Variants in RIC1 observed in about 807,000 individuals in gnomAD.
The protein encoded by RIC1 is RIC1 partner of RAB6A GEF complex, also known as guanine nucleotide exchange factor subunit RIC1.
RIC1 carries 88 observed loss-of-function variants against 169.0 expected under a neutral mutation model. The observed-to-expected ratio is 0.52, with a 90% CI of 0.44 to 0.62. RIC1 has a LOEUF of 0.62. Ranked by LOEUF, RIC1 falls within the 20% of genes least tolerant of loss-of-function variation. The pLI is 0.00. For synonymous variants in RIC1, 790 were observed against 601.5 expected, an observed-to-expected ratio of 1.31 and a Z score of -4.59; for missense variants, 1,877 against 1,725.5, an observed-to-expected ratio of 1.09 and a Z score of -1.56.
chr9:5,700,911 AATAAGT>A (rs1052903250), intron 3 of RIC1, among the ~76,000 whole-genome samples: 1 of 152,108 alleles, frequency 6.6e-6, no homozygotes, highest in African/African-American at 2.4e-5. Flanking sequence ...TTTTTTTTCA[AATAAGT>A]ATAATTTCCT....
chr9:5,720,420 A>G, intron 5 of RIC1, 96 bp downstream of exon 5: 1 of 1,314,814 alleles, frequency 7.6e-7, no homozygotes, highest in Non-Finnish European at 1.1e-6. Flanking sequence ...GGAATTACTT[A>G]TGCAAGGGGA....
At chr9:5,668,948 T>A (rs765355992) in intron 2 of RIC1, among the ~76,000 whole-genome samples, 14 of 152,152 alleles carry the variant, frequency 9.2e-5, no homozygotes, top group Non-Finnish European at 1.2e-4. Flanking sequence ...TACTTTTCTG[T>A]TTCTTTTTAT....
chr9:5,727,187 A>G (rs1463305313), intron 6 of RIC1, among the ~76,000 whole-genome samples: 1 of 152,218 alleles, frequency 6.6e-6, no homozygotes, highest in Non-Finnish European at 1.5e-5. Context: ...ACTTTCAGGT[A>G]CAGCAGTCAG....
chr9:5,736,443 G>C (rs1399790545), intron 7 of RIC1, among the ~76,000 whole-genome samples: 1 of 152,168 alleles, frequency 6.6e-6, no homozygotes, highest in Non-Finnish European at 1.5e-5. Flanking sequence ...TTATCTCTCT[G>C]TAACTGCCCT....
chr9:5,732,237 C>A, intron 6 of RIC1, 151 bp from the exon 7 acceptor site: 1 of 602,310 alleles, frequency 1.7e-6, no homozygotes, highest in Non-Finnish European at 2.9e-6. Context: ...TTAAGGGAGA[C>A]TATTGTGGTA....
At chr9:5,767,547 A>C (rs1411431416) in intron 21 of RIC1, among the ~76,000 whole-genome samples, 1 of 150,670 alleles carries the variant, frequency 6.6e-6, no homozygotes, top group Non-Finnish European at 1.5e-5. Context: ...TTGGGCACAT[A>C]GTGAGAGCTT....
At chr9:5,728,011 A>G (rs1031206585) in intron 6 of RIC1, among the ~76,000 whole-genome samples, 1 of 152,210 alleles carries the variant, frequency 6.6e-6, no homozygotes, top group Non-Finnish European at 1.5e-5. Flanking sequence ...TTGAGGAGGC[A>G]GTCTGTCTGT....
rs116027281 is a variant in RIC1, at chr9:5,697,666, G to A, written c.332+7628G>A. Among the ~76,000 whole-genome samples, 378 of 152,240 alleles carry A rather than the reference G, an allele frequency of 2.5e-3. 2 individuals are homozygous for A. The highest frequency in any genetic ancestry group is 8.7e-3 in the African/African-American group (361 of 41,558). ...GAGTTTTAGGAAAAGAAATCGTTCT[G>A]AGCCTTTCCAGAATTATGGTTGGAG... On this transcript the variant is annotated intron_variant, in intron 3 of 25. Transcript: ENST00000414202.
chr9:5,696,270 T>C (rs75952537), intron 3 of RIC1, among the ~76,000 whole-genome samples: 6 of 152,030 alleles, frequency 3.9e-5, no homozygotes, highest in Non-Finnish European at 7.4e-5. Flanking sequence ...TTTTTTTTTT[T>C]CCAAAACGAA....
intron 3 of RIC1, among the ~76,000 whole-genome samples, chr9:5,704,700 T>C (rs1436751032): frequency 1.3e-5 from 2 of 152,164 alleles, no homozygotes; most frequent in Non-Finnish European, 2.9e-5. Flanking sequence ...TATATATATA[T>C]TTTGTTCCTT....
intron 1 of RIC1, among the ~76,000 whole-genome samples, 175 bp from the exon 2 acceptor site, chr9:5,656,408 G>T (rs1455081459): frequency 6.6e-6 from 1 of 151,992 alleles, no homozygotes; most frequent in East Asian, 1.9e-4. Flanking sequence ...CGTAGGTTTA[G>T]GTCTTTGTTT....
At chr9:5,645,912 A>G (rs991119005) in intron 1 of RIC1, among the ~76,000 whole-genome samples, 4 of 151,402 alleles carry the variant, frequency 2.6e-5, no homozygotes, top group African/African-American at 9.7e-5. Context: ...GTACATACCC[A>G]GAAGTGGACC....
chr9:5,710,293 A>G (rs1344734617), intron 3 of RIC1, among the ~76,000 whole-genome samples: 2 of 152,192 alleles, frequency 1.3e-5, no homozygotes, highest in African/African-American at 2.4e-5. Context: ...CTCACAGGAA[A>G]TATACTGTCT....
chr9:5,694,288 G>C (rs1821762168), intron 3 of RIC1, among the ~76,000 whole-genome samples: 1 of 152,176 alleles, frequency 6.6e-6, no homozygotes, highest in African/African-American at 2.4e-5. Context: ...ACTCATGAAA[G>C]TTTCCCTCAA....
intron 2 of RIC1, among the ~76,000 whole-genome samples, chr9:5,681,848 T>A (rs1187225478): frequency 6.6e-6 from 1 of 152,212 alleles, no homozygotes; most frequent in Admixed American, 6.5e-5. Context: ...GCTCCTGTAT[T>A]GGGTGCATAT....
intron 7 of RIC1, among the ~76,000 whole-genome samples, chr9:5,737,105 A>C (rs900794730): frequency 2.6e-5 from 4 of 152,188 alleles, no homozygotes; most frequent in Admixed American, 2.0e-4. Flanking sequence ...TAAATGTTGC[A>C]TAAGTAATCT....
At chr9:5,716,354 T>G (rs1823240528) in intron 4 of RIC1, among the ~76,000 whole-genome samples, 1 of 151,996 alleles carries the variant, frequency 6.6e-6, no homozygotes, top group Non-Finnish European at 1.5e-5. Flanking sequence ...ATGCCTATAA[T>G]CCCAGCACTT....
intron 25 of RIC1, 27 bp from the exon 26 acceptor site, chr9:5,773,931 G>T: frequency 1.3e-6 from 2 of 1,535,734 alleles, no homozygotes; most frequent in South Asian, 2.6e-5. Context: ...TATGGCAGAT[G>T]AGCTAATGTT....
chr9:5,756,130 TA>T, intron 15 of RIC1, 81 bp from the exon 16 acceptor site: 1 of 907,440 alleles, frequency 1.1e-6, no homozygotes, highest in Non-Finnish European at 1.5e-6. Context: ...AGTCGGAAGT[TA>T]AAAACAGCAT....
Sources: allele counts gnomAD v4.1 joint callset (sites outside exome capture counted in the v4.1 genomes callset), GRCh38; gene constraint gnomAD v4.1.1; transcripts MANE v1.5; gene names NCBI Gene and HGNC (gene_info 2026-07-23, HGNC 2026-07-21).